PFKFB4: variants seen among roughly 807,000 people sequenced by gnomAD.
PFKFB4 encodes the protein 6-phosphofructo-2-kinase/fructose-2,6-biphosphatase 4, also known as 6-phosphofructo-2-kinase/fructose-2,6-bisphosphatase 4.
PFKFB4 carries 42 observed loss-of-function variants against 62.8 expected under a neutral mutation model. That is an observed-to-expected ratio of 0.67 (90% confidence interval 0.52 to 0.86). PFKFB4 has a LOEUF of 0.86. Among genes scored for constraint, PFKFB4 ranks in the 40% least tolerant of loss-of-function variants. The pLI is 0.00. For synonymous variants in PFKFB4, 204 were observed against 240.7 expected (o/e 0.85, Z 1.41); for missense variants, 475 against 627.2 (o/e 0.76, Z 2.59).
chr3:48,534,733 A>T (rs867313714), intron 9 of PFKFB4, among the ~76,000 whole-genome samples: 1 of 152,094 alleles, frequency 6.6e-6, no homozygotes, highest in Non-Finnish European at 1.5e-5. Flanking sequence ...AGGAGGTAAC[A>T]TTATATCCAG....
chr3:48,545,560 G>A (rs1005416432), intron 3 of PFKFB4, among the ~76,000 whole-genome samples: 1 of 152,174 alleles, frequency 6.6e-6, no homozygotes, highest in African/African-American at 2.4e-5. Flanking sequence ...AAAGAAATCA[G>A]TGGTAGAGCT....
At chr3:48,558,747 G>A (rs1388314102), upstream of PFKFB4, among the ~76,000 whole-genome samples, 8 of 152,206 alleles carry the variant, frequency 5.3e-5, no homozygotes, top group South Asian at 6.2e-4. Context: ...GTATCTACCC[G>A]CTTATTCCTC....
At chr3:48,536,063 T>G (rs1433520837) in intron 8 of PFKFB4, among the ~76,000 whole-genome samples, 193 bp downstream of exon 8, 1 of 152,218 alleles carries the variant, frequency 6.6e-6, no homozygotes, top group Non-Finnish European at 1.5e-5. Context: ...AAACCAGAGA[T>G]CCAGGCATTT....
chr3:48,529,020 C>CTTAT lies in PFKFB4; in HGVS notation c.988-3355_988-3352dup, dbSNP rs541772549. 8.5e-3 allele frequency among the ~76,000 whole-genome samples: 1,287 copies of CTTAT among 151,676 alleles called. 12 individuals carry two copies. Among genetic ancestry groups the CTTAT allele is most frequent in the African/African-American group, 0.022 (916 of 41,256 alleles). On this transcript the variant is annotated intron_variant, in intron 9 of 13. Coordinates refer to ENST00000232375, the MANE Select transcript of PFKFB4 (RefSeq NM_004567.4). ...ACACTAAAAACCACTGAACTGTATA[C>CTTAT]TTATTTATTTATTTATTTATTTATT...
chr3:48,529,037 T>G (rs1333141634), intron 9 of PFKFB4, among the ~76,000 whole-genome samples: 1 of 152,038 alleles, frequency 6.6e-6, no homozygotes, highest in African/African-American at 2.4e-5. Context: ...ATTTATTTAT[T>G]TATTTATTTA....
chr3:48,548,980 T>G (rs1033471744), intron 3 of PFKFB4, among the ~76,000 whole-genome samples: 1 of 152,182 alleles, frequency 6.6e-6, no homozygotes, highest in African/African-American at 2.4e-5. Context: ...TGGTAGCCAC[T>G]GGGCTTGATT....
At chr3:48,562,802 C>T (rs371104367), upstream of PFKFB4, 15 of 1,555,822 alleles carry the variant, frequency 9.6e-6, no homozygotes, top group East Asian at 4.7e-5. This position sits in a 1 kb window ranked among gnomAD's most constrained non-coding sequence, Gnocchi z 4.3. Flanking sequence ...GTGGCCGACA[C>T]GGGCCAGGAT....
upstream of PFKFB4, chr3:48,556,836 G>A (rs1239347941): frequency 2.0e-6 from 3 of 1,516,482 alleles, no homozygotes; most frequent in African/African-American, 2.9e-5. The surrounding 1 kb of genome is among the most constrained non-coding windows in gnomAD (Gnocchi z 5.7). Context: ...GGCCACCTCG[G>A]GCCACCCGAG....
chr3:48,525,089 G>A (rs369538408), intron 10 of PFKFB4, among the ~76,000 whole-genome samples: 3 of 152,210 alleles, frequency 2.0e-5, no homozygotes, highest in South Asian at 2.1e-4. Flanking sequence ...GCTGAGACCC[G>A]AGTCCCAGGC....
chr3:48,538,449 C>T, intron 7 of PFKFB4, 49 bp downstream of exon 7: 9 of 1,603,396 alleles, frequency 5.6e-6, no homozygotes, highest in Non-Finnish European at 7.7e-6. Context: ...AAGTATGACC[C>T]CTGCCGCCCA....
At chr3:48,538,353 GC>G (rs969575410) in intron 7 of PFKFB4, 144 bp downstream of exon 7, 1 of 1,013,018 alleles carries the variant, frequency 9.9e-7, no homozygotes, top group Non-Finnish European at 1.4e-6. Flanking sequence ...AAACATTTCT[GC>G]CCCAAGGAAA....
chr3:48,537,998 G>A (rs998359155), intron 7 of PFKFB4, among the ~76,000 whole-genome samples: 6 of 152,174 alleles, frequency 3.9e-5, no homozygotes, highest in African/African-American at 1.4e-4. Context: ...TGCCCCATGT[G>A]TTCTGTAAGA....
chr3:48,556,845 A>C (rs1416121554), upstream of PFKFB4: 2 of 1,490,286 alleles, frequency 1.3e-6, no homozygotes, highest in East Asian at 5.5e-5. This position sits in a 1 kb window ranked among gnomAD's most constrained non-coding sequence, Gnocchi z 5.7. Context: ...GGGCCACCCG[A>C]GGTCCCGCCC....
upstream of PFKFB4, among the ~76,000 whole-genome samples, chr3:48,557,320 G>T (rs1420916703): frequency 6.6e-6 from 1 of 152,196 alleles, no homozygotes; most frequent in African/African-American, 2.4e-5. Flanking sequence ...GAGCCGACAG[G>T]GGCCAGTAGG....
rs774995363 is a variant in PFKFB4 at position 48,538,480 on chromosome 3, G to A, written c.632+18C>T. ...GCCCACCATCACAGCTGCAGGGCCT[G>A]GCGCTGCCCTGACTCACCTATCCAG... is the stretch of plus-strand genomic sequence containing the variant. On this transcript the variant is annotated intron_variant, in intron 7 of 13. Coordinates refer to ENST00000232375, the MANE Select transcript of PFKFB4 (RefSeq NM_004567.4). 1 of 1,612,902 alleles carries A rather than the reference G, an allele frequency of 6.2e-7. No individual in the cohort carries two copies. The highest frequency in any genetic ancestry group is 1.7e-5 in the Admixed American group (1 of 59,998).
rs1269607746 is a variant in PFKFB4, at chr3:48,556,381, A to G, written c.97+300T>C. On this transcript the variant is annotated intron_variant, in intron 1 of 13. Coordinates refer to ENST00000232375, the MANE Select transcript of PFKFB4 (RefSeq NM_004567.4). This position sits in a 1 kb window ranked among gnomAD's most constrained non-coding sequence, Gnocchi z 5.7. ...CCAGACTGGGGGCGATGGGGATTGG[A>G]GAGGGAAGCGAGGGGGCCAGAGCCC... The G allele has an allele frequency of 1.8e-6, 1 of 557,320 alleles. No individual in the cohort carries two copies. Among genetic ancestry groups the G allele is most frequent in the Non-Finnish European group, 3.3e-6 (1 of 305,920 alleles). 34.5% of individuals were successfully genotyped at this position (557,320 alleles called of 1,614,324 possible).
intron 10 of PFKFB4, among the ~76,000 whole-genome samples, chr3:48,524,312 T>C (rs2042189720): frequency 6.6e-6 from 1 of 152,196 alleles, no homozygotes; most frequent in Non-Finnish European, 1.5e-5. Context: ...CTTCCCCCTA[T>C]GCCTGCCGTG....
chr3:48,523,052 C>G (rs1010296607), intron 12 of PFKFB4, among the ~76,000 whole-genome samples: 15 of 151,766 alleles, frequency 9.9e-5, no homozygotes, highest in African/African-American at 3.4e-4. Flanking sequence ...TGAGCCACCG[C>G]ACCCAGCCCC....
rs1249633120 is a variant in PFKFB4 at position 48,539,683 on chromosome 3, C to G, written c.453+14G>C. On this transcript the variant is annotated intron_variant, in intron 5 of 13. Coordinates refer to ENST00000232375, the MANE Select transcript of PFKFB4 (RefSeq NM_004567.4). ...CCACAGTTCCGCCAAGGAGAGGAGC[C>G]AAGGAGGCCTCACCTTGTAGCCATT... is the stretch of plus-strand genomic sequence containing the variant. The G allele has an allele frequency of 6.2e-7, 1 of 1,608,088 alleles. No individual in the cohort carries two copies. The highest frequency in any genetic ancestry group is 1.7e-5 in the Admixed American group (1 of 59,996).
Sources: gnomAD v4.1 joint callset for allele counts (sites outside exome capture counted in the v4.1 genomes callset) on GRCh38, gnomAD v4.1.1 for gene constraint, Gnocchi (gnomAD v3.1) non-coding constraint, MANE v1.5 for transcripts, NCBI Gene and HGNC (gene_info 2026-07-23, HGNC 2026-07-21) for gene names.